The following LRP4 variants were observed in gnomAD, a reference collection of about 807,000 sequenced individuals.
The protein encoded by LRP4 is LDL receptor related protein 4, also known as low-density lipoprotein receptor-related protein 4.
A neutral mutation model predicts 220.3 loss-of-function variants in LRP4; 95 were observed. That is an observed-to-expected ratio of 0.43 (90% CI 0.37 to 0.51). LRP4 has a LOEUF of 0.51. LRP4 is among the 20% of genes least tolerant of loss of function. LRP4 has a pLI of 0.00. For missense variants in LRP4, 1,925 were observed against 2,567.0 expected, an observed-to-expected ratio of 0.75 and a Z score of 5.40; for synonymous variants, 903 against 954.6, an observed-to-expected ratio of 0.95 and a Z score of 1.00.
chr11:46,879,182 T>C lies in LRP4; in HGVS notation c.2948A>G (p.Gln983Arg). 6.2e-7 allele frequency: 1 copy of C among 1,614,240 alleles called. No individual in the cohort carries two copies. The change falls in exon 21 of 38, where the codon CAG (glutamine) becomes CGG (arginine). Residue 983 changes from glutamine (Q) to arginine (R), a missense_variant. Gln to Arg is a conservative substitution (Grantham distance 43). Transcript: ENST00000378623. ...RLTGLDRETL[Q>R]ENLENLMDIH... The stretch of plus-strand genomic sequence containing the variant: ...GTCCATTAGGTTTTCCAGGTTCTCC[T>C]GCAGAGTCTCCCGGTCCAGCCCTGT...
At position 46,900,295 on chromosome 11, in the gene LRP4, CGTT is replaced by C. The variant is rs1941640543; in HGVS notation, c.280_282del (p.Asn94del). 2.5e-6 allele frequency: 4 copies of C among 1,614,110 alleles called. No homozygotes were observed. The highest frequency in any genetic ancestry group is 1.3e-5 in the African/African-American group (1 of 75,046). On this transcript the variant is annotated inframe_deletion, in exon 3 of 38. Transcript: ENST00000378623. ...TGCTCATCCGAGTCATCCTCACAGT[CGTT>C]GTCCCCGTCACACACCCAGGAGCGG...
chr11:46,898,463 A>C (rs1941589515), intron 7 of LRP4, 95 bp downstream of exon 7: 1 of 1,561,044 alleles, frequency 6.4e-7, no homozygotes, highest in Non-Finnish European at 8.8e-7. Flanking sequence ...TGGCATTATA[A>C]GCATGAGCCA....
chr11:46,881,980 G>C (rs1278357692), intron 19 of LRP4, 77 bp from the exon 20 acceptor site: 1 of 1,450,546 alleles, frequency 6.9e-7, no homozygotes, highest in African/African-American at 1.4e-5. Flanking sequence ...TAGGATTTCA[G>C]GGTTTCTGCC....
chr11:46,881,783 A>G lies in LRP4; in HGVS notation c.2733T>C (p.Asp911=), dbSNP rs778681311. 1.2e-6 allele frequency: 2 copies of G among 1,613,964 alleles called. No individual in the cohort carries two copies. The highest frequency in any genetic ancestry group is 1.7e-6 in the Non-Finnish European group (2 of 1,180,024). Residue 911 remains aspartate (D), a synonymous_variant, in exon 20 of 38, where the codon GAT becomes GAC. Coordinates refer to ENST00000378623, the MANE Select transcript of LRP4 (RefSeq NM_002334.4). ...CCCAGTATAGACGCTGGGACCCATA[A>G]TCAATAGCTAACCCATTAGGCCAGG... ...NLTWPNGLAI[D]YGSQRLYWAD...
At position 46,875,889 on chromosome 11, in the gene LRP4, A is replaced by G; in HGVS notation, c.3614T>C (p.Leu1205Pro). The G allele has an allele frequency of 6.2e-7, 1 of 1,614,026 alleles. No homozygotes were observed. Among genetic ancestry groups the G allele is most frequent in the Non-Finnish European group, 8.5e-7 (1 of 1,180,016 alleles). ...SGMDGSDRAVLINNNLGWPNG... is the reference protein window; with the variant it reads ...SGMDGSDRAVPINNNLGWPNG... The stretch of plus-strand genomic sequence containing the variant: ...GGGCCATCCTAGGTTGTTGTTGATG[A>G]GCACCGCGCGGTCTGAGCCATCCAT... The change falls in exon 26 of 38, where the codon CTC becomes CCC. Residue 1205 changes from leucine (L) to proline (P), a missense_variant. Coordinates refer to ENST00000378623, the MANE Select transcript of LRP4 (RefSeq NM_002334.4). This position sits in a 1 kb window ranked among gnomAD's most constrained non-coding sequence, Gnocchi z 4.5.
rs557300271 is a variant in LRP4 at position 46,896,965 on chromosome 11, G to T, written c.826C>A (p.Arg276Ser). ...TTSMCTAEQF[R>S]CHSGRCVRLS... ...CGGACACAGCGGCCTGAGTGACAGCGGAACTGTTCTGCCGTACACATGGAG... is the reference window on the plus strand; with the variant it reads ...CGGACACAGCGGCCTGAGTGACAGCTGAACTGTTCTGCCGTACACATGGAG... Residue 276 changes from arginine (R) to serine (S), a missense_variant, in exon 8 of 38, where the codon CGC becomes AGC. This residue lies in a region of LRP4 where 412 missense variants were observed against 505.4 expected (regional missense o/e 0.82). Transcript: ENST00000378623. 6.2e-7 allele frequency: 1 copy of T among 1,614,064 alleles called. No homozygotes were observed. The highest frequency in any genetic ancestry group is 2.2e-5 in the East Asian group (1 of 44,898).
At position 46,896,644 on chromosome 11, in the gene LRP4, C is replaced by G. The variant is rs74702051; in HGVS notation, c.922+225G>C. ...TGGAGGGTAGTCCTTCCTCACTAGA[C>G]CAGAGCTAAAGGCACTGGCTGTGTG... On this transcript the variant is annotated intron_variant, in intron 8 of 37. Coordinates refer to ENST00000378623, the MANE Select transcript of LRP4 (RefSeq NM_002334.4). Among the ~76,000 whole-genome samples the G allele has an allele frequency of 7.3e-3, 1,115 of 152,312 alleles. 12 individuals carry two copies. The highest frequency in any genetic ancestry group is 0.022 in the African/African-American group (926 of 41,558).
At chr11:46,863,952 G>A (rs1218537083) in intron 36 of LRP4, among the ~76,000 whole-genome samples, 1 of 152,054 alleles carries the variant, frequency 6.6e-6, no homozygotes, top group African/African-American at 2.4e-5. Context: ...GCATTTGGGG[G>A]AAAATATAAA....
intron 37 of LRP4, among the ~76,000 whole-genome samples, chr11:46,861,815 T>C (rs576424030): frequency 6.6e-6 from 1 of 152,194 alleles, no homozygotes; most frequent in Non-Finnish European, 1.5e-5. Context: ...ACGCCTGTAA[T>C]CCCAGCACTT....
At chr11:46,904,694 C>T (rs1037916365) in intron 1 of LRP4, among the ~76,000 whole-genome samples, 1 of 152,054 alleles carries the variant, frequency 6.6e-6, no homozygotes, top group Non-Finnish European at 1.5e-5. Context: ...TTGGGCTGGG[C>T]ACGGTGGCTC....
chr11:46,884,780 G>A (rs1941247235), intron 18 of LRP4, among the ~76,000 whole-genome samples: 1 of 147,956 alleles, frequency 6.8e-6, no homozygotes, highest in Non-Finnish European at 1.5e-5. Context: ...GTGTGGTAGT[G>A]CACGCCTGTA....
intron 20 of LRP4, 133 bp from the exon 21 acceptor site, chr11:46,879,448 T>A: frequency 1.2e-6 from 1 of 823,826 alleles, no homozygotes; most frequent in Non-Finnish European, 2.0e-6. Flanking sequence ...AAGAGCTACT[T>A]ATAAAATCTC....
At chr11:46,881,058 C>CAAAAAAAAAAAAAAAA (rs60125188) in intron 20 of LRP4, among the ~76,000 whole-genome samples, 3 of 56,104 alleles carry the variant, frequency 5.3e-5, no homozygotes, top group African/African-American at 7.3e-5. Context: ...TCTAAAAAAC[C>CAAAAAAAAAAAAAAAA]AAAAAAAAAA....
chr11:46,901,740 T>G (rs888647597), intron 2 of LRP4, among the ~76,000 whole-genome samples: 3 of 148,506 alleles, frequency 2.0e-5, no homozygotes, highest in Non-Finnish European at 4.5e-5. Flanking sequence ...AAATATAAGT[T>G]TTTTTTTTTT....
rs199970953 is a variant in LRP4 at position 46,902,941 on chromosome 11, G to C, written c.53-12C>G. The C allele has an allele frequency of 1.2e-6, 2 of 1,613,922 alleles. No individual in the cohort carries two copies. On this transcript the variant is annotated splice_polypyrimidine_tract_variant and intron_variant, in intron 1 of 37. Transcript: ENST00000378623. ...GCTGCTGGCCAGGCCTGGGCGGAGG[G>C]AAAAGGAATCAGTGAGGGCTCAGCT... is the stretch of plus-strand genomic sequence containing the variant.
rs1008349721 is a variant in LRP4 at position 46,868,250 on chromosome 11, C to G, written c.4952-136G>C. ...CCAGGCACCTTCATTAGTAGCCCTTCTTAATACTATCAATAAAAAGGAGTT... is the reference window on the plus strand; with the variant it reads ...CCAGGCACCTTCATTAGTAGCCCTTGTTAATACTATCAATAAAAAGGAGTT... On this transcript the variant is annotated intron_variant, in intron 33 of 37. Coordinates refer to ENST00000378623, the MANE Select transcript of LRP4 (RefSeq NM_002334.4). The G allele has an allele frequency of 3.5e-5, 34 of 967,400 alleles. No homozygotes were observed. In the African/African-American group the frequency reaches 5.1e-4, roughly 14 times the overall value. 59.9% of individuals were successfully genotyped at this position (967,400 alleles called of 1,614,324 possible). A position where few individuals can be genotyped will look rare whatever the true frequency, so the allele number is the denominator to read the frequency against.
At chr11:46,867,440 C>CT (rs1259881389) in intron 34 of LRP4, among the ~76,000 whole-genome samples, 1 of 151,848 alleles carries the variant, frequency 6.6e-6, no homozygotes, top group African/African-American at 2.4e-5. Flanking sequence ...TAAAGTTGTT[C>CT]TTTTTTTTGT....
intron 20 of LRP4, 45 bp downstream of exon 20, chr11:46,881,657 G>A (rs1565787325): frequency 6.4e-7 from 1 of 1,573,166 alleles, no homozygotes; most frequent in East Asian, 2.4e-5. Context: ...GCTGTGGGAA[G>A]ATGTTTTAGT....
intron 36 of LRP4, 78 bp from the exon 37 acceptor site, chr11:46,862,825 G>GCCTACCAGACTCA: frequency 7.6e-7 from 1 of 1,315,810 alleles, no homozygotes; most frequent in Non-Finnish European, 1.1e-6. Flanking sequence ...AACTGAGTCT[G>GCCTACCAGACTCA]GTAGGCAGCC....
Sources: allele counts gnomAD v4.1 joint callset (sites outside exome capture counted in the v4.1 genomes callset), GRCh38; gene constraint gnomAD v4.1.1; regional missense constraint gnomAD v4.1.1; non-coding constraint Gnocchi (gnomAD v3.1); transcripts MANE v1.5; gene names NCBI Gene and HGNC (gene_info 2026-07-23, HGNC 2026-07-21).